The following OSBPL10 variants were observed in gnomAD, a reference collection of about 807,000 sequenced individuals.
The protein encoded by OSBPL10 is oxysterol-binding protein-related protein 10.
OSBPL10 carries 49 observed loss-of-function variants against 81.7 expected under a neutral mutation model. That is an observed-to-expected ratio of 0.60 (90% CI 0.48 to 0.76). OSBPL10 has a LOEUF of 0.76. Among genes scored for constraint, OSBPL10 ranks in the 30% least tolerant of loss-of-function variants. The pLI is 0.00. For synonymous variants in OSBPL10, 419 were observed against 383.6 expected, an observed-to-expected ratio of 1.09 and a Z score of -1.08; for missense variants, 923 against 987.8, an observed-to-expected ratio of 0.93 and a Z score of 0.88.
intron 7 of OSBPL10, among the ~76,000 whole-genome samples, chr3:31,694,084 T>C (rs1695637536): frequency 6.6e-6 from 1 of 152,176 alleles, no homozygotes; most frequent in South Asian, 2.1e-4. Flanking sequence ...CAAAAAATGT[T>C]TGCTGGCCGG....
chr3:32,024,180 G>A (rs1699382300), intron 2 of OSBPL10, among the ~76,000 whole-genome samples: 2 of 152,082 alleles, frequency 1.3e-5, no homozygotes, highest in African/African-American at 4.8e-5. Context: ...AACAGTTTGG[G>A]CTCTGCAAGG....
At chr3:32,066,161 AAAGGAAGGAAGGAAGGAAGGAAGGAAGG>A (rs58902796) in intron 1 of OSBPL10, among the ~76,000 whole-genome samples, 3 of 53,494 alleles carry the variant, frequency 5.6e-5, no homozygotes, top group East Asian at 4.5e-4. Context: ...AGAAAGGAAG[AAAGGAAGGAAGGAAGGAAGGAAGGAAGG>A]AAGGAAGGAA....
intron 9 of OSBPL10, 118 bp downstream of exon 9, chr3:31,670,679 A>C (rs1054150398): frequency 1.6e-6 from 2 of 1,215,604 alleles, no homozygotes; most frequent in African/African-American, 3.0e-5. Context: ...AAAAGACCTT[A>C]ACAAGTTTAT....
At chr3:31,824,622 G>A (rs574859714) in intron 4 of OSBPL10, among the ~76,000 whole-genome samples, 26 of 152,246 alleles carry the variant, frequency 1.7e-4, no homozygotes, top group African/African-American at 5.8e-4. Context: ...CGAAAGACCC[G>A]CCATCTTTGT....
At chr3:32,040,611 G>C (rs1386382212) in intron 2 of OSBPL10, among the ~76,000 whole-genome samples, 3 of 151,772 alleles carry the variant, frequency 2.0e-5, no homozygotes, top group Non-Finnish European at 4.4e-5. Context: ...CTAGGTGGGA[G>C]GATCAGTTGA....
At chr3:31,966,150 A>T (rs1053479405) in intron 1 of OSBPL10, among the ~76,000 whole-genome samples, 1 of 120,320 alleles carries the variant, frequency 8.3e-6, no homozygotes, top group Non-Finnish European at 1.6e-5. Context: ...CAACAACAAA[A>T]TTATGTGTGT....
intron 1 of OSBPL10, 97 bp from the exon 2 acceptor site, chr3:31,879,927 A>G (rs1695509658): frequency 7.9e-7 from 1 of 1,270,306 alleles, no homozygotes; most frequent in Non-Finnish European, 1.1e-6. Context: ...CAACATCAAG[A>G]CTCCACATCC....
upstream of OSBPL10, among the ~76,000 whole-genome samples, chr3:31,983,724 A>G (rs1698895057): frequency 6.6e-6 from 1 of 152,244 alleles, no homozygotes; most frequent in Admixed American, 6.5e-5. Context: ...TCTTCCAGAA[A>G]GCTTTCCTTG....
intron 4 of OSBPL10, among the ~76,000 whole-genome samples, chr3:31,780,370 G>A (rs1321129690): frequency 6.6e-6 from 1 of 151,710 alleles, no homozygotes; most frequent in African/African-American, 2.4e-5. Flanking sequence ...TGGAAAATTT[G>A]AAAGAGCACA....
At chr3:31,929,220 AAT>A (rs1341058314) in intron 1 of OSBPL10, among the ~76,000 whole-genome samples, 1 of 152,240 alleles carries the variant, frequency 6.6e-6, no homozygotes, top group Non-Finnish European at 1.5e-5. Flanking sequence ...AACATCATAA[AAT>A]ATATCTCAGG....
chr3:31,663,313 C>T, intron 11 of OSBPL10: 1 of 985,470 alleles, frequency 1.0e-6, no homozygotes, highest in Non-Finnish European at 1.2e-6. Context: ...TGTTTTATCA[C>T]TGGAAGATGA....
At chr3:32,070,836 T>C in intron 1 of OSBPL10, among the ~76,000 whole-genome samples, 1 of 151,966 alleles carries the variant, frequency 6.6e-6, no homozygotes, top group Non-Finnish European at 1.5e-5. Flanking sequence ...CTTAAAGATG[T>C]TTTTTTCACT....
intron 1 of OSBPL10, among the ~76,000 whole-genome samples, chr3:31,950,498 C>A (rs1161527784): frequency 6.6e-6 from 1 of 152,180 alleles, no homozygotes; most frequent in Non-Finnish European, 1.5e-5. Context: ...AATGCTTATA[C>A]CCTACTGGAT....
intron 6 of OSBPL10, among the ~76,000 whole-genome samples, chr3:31,710,340 G>A (rs1696211202): frequency 6.6e-6 from 1 of 152,162 alleles, no homozygotes; most frequent in African/African-American, 2.4e-5. Context: ...TTCGTACTGG[G>A]CACACAGTGG....
At chr3:31,715,836 C>T (rs377181856) in intron 6 of OSBPL10, among the ~76,000 whole-genome samples, 46 of 152,258 alleles carry the variant, frequency 3.0e-4, no homozygotes, top group African/African-American at 7.2e-4. Context: ...TTCTCATCTG[C>T]GGATGGTAAA....
At chr3:31,971,933 G>A (rs1698577777) in intron 1 of OSBPL10, among the ~76,000 whole-genome samples, 1 of 152,116 alleles carries the variant, frequency 6.6e-6, no homozygotes, top group African/African-American at 2.4e-5. Flanking sequence ...GGTAGGGCCT[G>A]TGCTTCTTCC....
At chr3:31,766,320 AGTTTTTTT>A (rs537563065) in intron 4 of OSBPL10, among the ~76,000 whole-genome samples, 3 of 122,950 alleles carry the variant, frequency 2.4e-5, no homozygotes, top group African/African-American at 8.7e-5. Context: ...GGCCCAATGT[AGTTTTTTT>A]GTTTTTTTGT....
intron 6 of OSBPL10, among the ~76,000 whole-genome samples, chr3:31,705,381 C>A (rs528008672): frequency 9.2e-5 from 13 of 141,322 alleles, no homozygotes; most frequent in East Asian, 2.4e-4. Context: ...GACCCCCCCC[C>A]CCACCCCCAT....
At chr3:32,028,423 G>C (rs1699436122) in intron 2 of OSBPL10, among the ~76,000 whole-genome samples, 1 of 152,092 alleles carries the variant, frequency 6.6e-6, no homozygotes, top group South Asian at 2.1e-4. Context: ...TTAAACCAAA[G>C]ACCAGAAGTC....
Sources: allele counts gnomAD v4.1 joint callset (sites outside exome capture counted in the v4.1 genomes callset), GRCh38; gene constraint gnomAD v4.1.1; transcripts MANE v1.5; gene names NCBI Gene and HGNC (gene_info 2026-07-23, HGNC 2026-07-21).